The following RBMS2 variants were observed in gnomAD, a reference collection of about 807,000 sequenced individuals.
RBMS2 encodes the protein RNA binding motif single stranded interacting protein 2.
RBMS2 carries 38 observed loss-of-function variants against 58.4 expected under a neutral mutation model. The ratio of observed to expected loss-of-function variants is 0.65; its 90% CI spans 0.50 to 0.85. The LOEUF is 0.85. RBMS2 is among the 40% of genes least tolerant of loss of function. RBMS2 has a pLI of 0.00. For missense variants in RBMS2, 367 were observed against 503.7 expected (o/e 0.73, Z 2.60); for synonymous variants, 151 against 180.7 (o/e 0.84, Z 1.32).
chr12:56,559,370 T>C (rs1592416433), intron 1 of RBMS2, among the ~76,000 whole-genome samples: 1 of 151,320 alleles, frequency 6.6e-6, no homozygotes, highest in East Asian at 2.0e-4. Flanking sequence ...GTATTTTTGG[T>C]AGAAACGGGG....
At chr12:56,520,496 T>C (rs1369128631), upstream of RBMS2, among the ~76,000 whole-genome samples, 3 of 152,202 alleles carry the variant, frequency 2.0e-5, no homozygotes, top group Non-Finnish European at 4.4e-5. Context: ...GGTGGCCTTA[T>C]GAAGGGATTT....
chr12:56,528,804 G>A (rs1218383906), intron 1 of RBMS2, among the ~76,000 whole-genome samples: 1 of 152,082 alleles, frequency 6.6e-6, no homozygotes, highest in Non-Finnish European at 1.5e-5. Flanking sequence ...GCATACACCT[G>A]TAGTCCTAGC....
At chr12:56,555,469 C>A (rs973182507) in intron 1 of RBMS2, among the ~76,000 whole-genome samples, 1 of 150,742 alleles carries the variant, frequency 6.6e-6, no homozygotes, top group East Asian at 1.9e-4. Context: ...AAGAAGAAGA[C>A]CTTGGCCAGG....
At chr12:56,529,580 A>G (rs552863957) in intron 1 of RBMS2, among the ~76,000 whole-genome samples, 1 of 152,152 alleles carries the variant, frequency 6.6e-6, no homozygotes, top group Admixed American at 6.6e-5. Context: ...AACAACAATA[A>G]CAACAACAAC....
intron 1 of RBMS2, among the ~76,000 whole-genome samples, chr12:56,544,547 T>C (rs1393798126): frequency 2.0e-5 from 3 of 152,064 alleles, no homozygotes; most frequent in African/African-American, 7.2e-5. Context: ...CGTCTCAAGA[T>C]AGTTTTAGTG....
At chr12:56,566,247 T>C (rs952399726) in intron 2 of RBMS2, among the ~76,000 whole-genome samples, 1 of 152,202 alleles carries the variant, frequency 6.6e-6, no homozygotes, top group Non-Finnish European at 1.5e-5. Context: ...ATATGTTCTT[T>C]AGGGATGGAA....
At chr12:56,577,035 CAAAAAAAAAAA>C (rs60298708) in intron 5 of RBMS2, among the ~76,000 whole-genome samples, 2 of 63,636 alleles carry the variant, frequency 3.1e-5, no homozygotes, top group African/African-American at 1.1e-4. Flanking sequence ...AGTGAGATTC[CAAAAAAAAAAA>C]AAAAAAAAAG....
rs777498263 is a variant in RBMS2 at position 56,581,475 on chromosome 12, A to G, written c.699A>G (p.Gln233=). 1 of 1,614,228 alleles carries G rather than the reference A, an allele frequency of 6.2e-7. No individual in the cohort carries two copies. The highest frequency in any genetic ancestry group is 1.3e-5 in the African/African-American group (1 of 75,064). ...GACAGAACCAAGGAAAATTTGTGCA[A>G]AATGGACGGGCTTGGCCAAGGAATG... ...KKRQNQGKFV[Q]NGRAWPRNAD... Residue 233 remains glutamine (Q), a synonymous_variant, in exon 7 of 14, where the codon CAA becomes CAG. Transcript: ENST00000262031.
chr12:56,521,975 C>CA lies in RBMS2; in HGVS notation c.-49_-48insA. On this transcript the variant is annotated 5_prime_UTR_variant, in exon 1 of 14. Transcript: ENST00000262031. ...CCTCCCCGTCTTTCTTACCCCCTCC[C>CA]TTTCTCTCTCTCTCTCTCTCTCGCT... is the stretch of plus-strand genomic sequence containing the variant. 1 of 1,102,096 alleles carries CA rather than the reference C, an allele frequency of 9.1e-7. No homozygotes were observed. The highest frequency in any genetic ancestry group is 1.3e-6 in the Non-Finnish European group (1 of 774,110). 68.3% of individuals were successfully genotyped at this position (1,102,096 alleles called of 1,614,324 possible). A position where few individuals can be genotyped will look rare whatever the true frequency, so the allele number is the denominator to read the frequency against.
At chr12:56,566,512 A>C (rs889537498) in intron 2 of RBMS2, among the ~76,000 whole-genome samples, 1 of 152,180 alleles carries the variant, frequency 6.6e-6, no homozygotes, top group Non-Finnish European at 1.5e-5. Context: ...ATAATTTTCA[A>C]AAAGTTGAAA....
intron 5 of RBMS2, 34 bp downstream of exon 5, chr12:56,571,889 T>C (rs780956230): frequency 1.4e-6 from 2 of 1,460,628 alleles, no homozygotes; most frequent in Non-Finnish European, 9.1e-7. Context: ...ATGATGAGGT[T>C]AATAACAAAT....
chr12:56,539,053 G>T (rs2694910), intron 1 of RBMS2, among the ~76,000 whole-genome samples: 90,155 of 149,600 alleles, frequency 0.6, 27,652 homozygotes, highest in East Asian at 0.72. Flanking sequence ...TCTTGCTCTG[G>T]TGCCCAGGCT....
chr12:56,556,436 C>T (rs537983155), intron 1 of RBMS2, among the ~76,000 whole-genome samples: 9 of 147,728 alleles, frequency 6.1e-5, no homozygotes, highest in South Asian at 2.1e-4. Context: ...AGTGCAGTGG[C>T]GCGATCTGGG....
chr12:56,583,666 C>A (rs77855187), intron 9 of RBMS2, among the ~76,000 whole-genome samples: 1 of 147,616 alleles, frequency 6.8e-6, no homozygotes, highest in African/African-American at 2.5e-5. Flanking sequence ...AAAAAAAAAA[C>A]AAAAAAATTG....
chr12:56,547,652 C>CT (rs71081378), intron 1 of RBMS2, among the ~76,000 whole-genome samples: 52,148 of 137,920 alleles, frequency 0.38, 11,677 homozygotes, highest in East Asian at 0.55. Context: ...CTTTTCTTTT[C>CT]TTTTTTTTTT....
At position 56,581,340 on chromosome 12, in the gene RBMS2, A is replaced by G. The variant is rs1246587564; in HGVS notation, c.623-59A>G. On this transcript the variant is annotated intron_variant, in intron 6 of 13. Transcript: ENST00000262031. ...GAAGATTCTGGAGCAGCTTTGCATG[A>G]CTGTGCCTGGGCCACATGAGGTGGG... 1.6e-5 allele frequency: 26 copies of G among 1,595,560 alleles called. No homozygotes were observed. The Admixed American group carries it at 4.3e-4, about 27-fold the overall frequency.
chr12:56,580,677 A>G (rs942633192), intron 5 of RBMS2, among the ~76,000 whole-genome samples: 4 of 152,174 alleles, frequency 2.6e-5, no homozygotes, highest in Non-Finnish European at 4.4e-5. Context: ...TTCTATCACT[A>G]TGGGCCATGA....
chr12:56,581,057 T>G (rs1168037542), intron 5 of RBMS2, 127 bp from the exon 6 acceptor site: 6 of 798,750 alleles, frequency 7.5e-6, no homozygotes, highest in Non-Finnish European at 1.1e-5. Context: ...AGACACTCTG[T>G]GTTTCTGTAG....
At chr12:56,550,249 A>C (rs1437604376) in intron 1 of RBMS2, among the ~76,000 whole-genome samples, 2 of 151,874 alleles carry the variant, frequency 1.3e-5, no homozygotes, top group Non-Finnish European at 1.5e-5. Flanking sequence ...GATAGACTAG[A>C]CCAGGTGCAG....
Sources: gnomAD v4.1 joint callset for allele counts (sites outside exome capture counted in the v4.1 genomes callset) on GRCh38, gnomAD v4.1.1 for gene constraint, MANE v1.5 for transcripts, NCBI Gene and HGNC (gene_info 2026-07-23, HGNC 2026-07-21) for gene names.